Variants in SHISA6 observed in about 807,000 individuals in gnomAD.
SHISA6 encodes shisa family member 6.
A neutral mutation model predicts 47.9 loss-of-function variants in SHISA6; 22 were observed. The ratio of observed to expected loss-of-function variants is 0.46; its 90% CI spans 0.33 to 0.66. The LOEUF (loss-of-function observed/expected upper bound fraction) is 0.66. SHISA6 is among the 30% of genes least tolerant of loss of function. The pLI is 0.02. For synonymous variants in SHISA6, 388 were observed against 337.8 expected, an observed-to-expected ratio of 1.15 and a Z score of -1.63; for missense variants, 680 against 764.6, an observed-to-expected ratio of 0.89 and a Z score of 1.30.
chr17:11,300,149 C>CAAAAAAAAAAAA (rs56060137), intron 2 of SHISA6, among the ~76,000 whole-genome samples: 26 of 128,994 alleles, frequency 2.0e-4, no homozygotes, highest in Non-Finnish European at 2.7e-4. Context: ...CATCTTAAAA[C>CAAAAAAAAAAAA]AAAAAAAAAA....
intron 3 of SHISA6, among the ~76,000 whole-genome samples, chr17:11,448,879 C>A (rs1915308398): frequency 3.3e-5 from 5 of 152,136 alleles, no homozygotes; most frequent in Admixed American, 3.3e-4. Flanking sequence ...TTCCAAACGT[C>A]CCACTTTCTA....
intron 2 of SHISA6, among the ~76,000 whole-genome samples, chr17:11,293,447 ATGAGAGAACAGGCTT>A (rs1193006164): frequency 6.6e-6 from 1 of 152,206 alleles, no homozygotes; most frequent in African/African-American, 2.4e-5. Context: ...ACAGGAAAGA[ATGAGAGAACAGGCTT>A]TGGGAGAACA....
At chr17:11,307,354 G>A (rs1311172764) in intron 2 of SHISA6, among the ~76,000 whole-genome samples, 1 of 152,152 alleles carries the variant, frequency 6.6e-6, no homozygotes, top group Admixed American at 6.5e-5. Context: ...TGGGGAGCTA[G>A]GTTTCTTCCA....
At chr17:11,250,764 G>A (rs181897318) in intron 1 of SHISA6, among the ~76,000 whole-genome samples, 2 of 152,208 alleles carry the variant, frequency 1.3e-5, no homozygotes, top group African/African-American at 2.4e-5. Flanking sequence ...CTCTGCTCAC[G>A]TGTCAGGACA....
chr17:11,439,848 G>A (rs763966238), intron 3 of SHISA6, among the ~76,000 whole-genome samples: 1 of 152,130 alleles, frequency 6.6e-6, no homozygotes, highest in Non-Finnish European at 1.5e-5. Context: ...GAGTTTTACG[G>A]TCTTGATGAC....
intron 3 of SHISA6, among the ~76,000 whole-genome samples, chr17:11,467,143 T>C (rs1915828459): frequency 6.6e-6 from 1 of 152,224 alleles, no homozygotes; most frequent in Non-Finnish European, 1.5e-5. Context: ...TGTCCAGAGT[T>C]AGTTCCTGTG....
rs563418434 is a variant in SHISA6 at position 11,368,246 on chromosome 17, G to A, written c.800-11168G>A. Among the ~76,000 whole-genome samples, 5 of 152,284 alleles carry A rather than the reference G, an allele frequency of 3.3e-5. No homozygotes were observed. In the East Asian group the frequency reaches 7.7e-4, roughly 24 times the overall value. ...AAGACAGGGATCACAGAATCACAGA[G>A]GAACCAGTGCAGGCAGGTGTGAGAT... is the stretch of plus-strand genomic sequence containing the variant. On this transcript the variant is annotated intron_variant, in intron 2 of 5. Coordinates refer to ENST00000441885, the MANE Select transcript of SHISA6 (RefSeq NM_207386.4).
intron 3 of SHISA6, among the ~76,000 whole-genome samples, chr17:11,509,379 G>T (rs942284201): frequency 1.3e-5 from 2 of 152,248 alleles, no homozygotes; most frequent in Admixed American, 6.5e-5. Context: ...TACCATTTAT[G>T]AAGCACTTTC....
At chr17:11,501,556 C>T (rs2071453852) in intron 3 of SHISA6, among the ~76,000 whole-genome samples, 1 of 151,980 alleles carries the variant, frequency 6.6e-6, no homozygotes, top group South Asian at 2.1e-4. Flanking sequence ...TGACTTAATC[C>T]CATTTCTAGG....
At chr17:11,467,401 C>T (rs1285325548) in intron 3 of SHISA6, among the ~76,000 whole-genome samples, 1 of 152,150 alleles carries the variant, frequency 6.6e-6, no homozygotes, top group Non-Finnish European at 1.5e-5. Context: ...CATAGAATGA[C>T]AATGGTCCTT....
At chr17:11,501,685 C>A (rs1407550334) in intron 3 of SHISA6, among the ~76,000 whole-genome samples, 1 of 151,728 alleles carries the variant, frequency 6.6e-6, no homozygotes, top group Non-Finnish European at 1.5e-5. Context: ...TGAGCATGGG[C>A]AACAGAGAAG....
chr17:11,279,087 C>G (rs987511781), intron 2 of SHISA6, among the ~76,000 whole-genome samples: 2 of 152,138 alleles, frequency 1.3e-5, no homozygotes, highest in Non-Finnish European at 2.9e-5. Context: ...TTTGGGGTTG[C>G]TGGCTTCACT....
chr17:11,548,352 A>G (rs781551479), intron 3 of SHISA6, among the ~76,000 whole-genome samples: 1 of 152,218 alleles, frequency 6.6e-6, no homozygotes, highest in Admixed American at 6.5e-5. Context: ...ATGGAAAGTT[A>G]TTCACTTGGT....
chr17:11,431,147 C>T (rs553455917), intron 3 of SHISA6, among the ~76,000 whole-genome samples: 9 of 152,254 alleles, frequency 5.9e-5, no homozygotes, highest in East Asian at 1.9e-4. Flanking sequence ...TTCTCATGTC[C>T]CCCCTGAGTC....
intron 3 of SHISA6, among the ~76,000 whole-genome samples, chr17:11,399,729 C>T (rs1913700941): frequency 6.6e-6 from 1 of 152,246 alleles, no homozygotes; most frequent in South Asian, 2.1e-4. Flanking sequence ...GCCCATTCCC[C>T]ATTTTTTTAG....
chr17:11,517,903 G>T (rs1386820707), intron 3 of SHISA6, among the ~76,000 whole-genome samples: 1 of 152,038 alleles, frequency 6.6e-6, no homozygotes. Context: ...CCACTCATTT[G>T]TAGGGTAGAG....
intron 2 of SHISA6, among the ~76,000 whole-genome samples, chr17:11,264,441 G>A (rs565244678): frequency 3.9e-5 from 6 of 152,288 alleles, no homozygotes; most frequent in African/African-American, 7.2e-5. Flanking sequence ...CTAGGAAACC[G>A]TAATATCCTT....
intron 3 of SHISA6, among the ~76,000 whole-genome samples, chr17:11,452,461 A>T (rs1446959911): frequency 6.6e-6 from 1 of 152,196 alleles, no homozygotes; most frequent in African/African-American, 2.4e-5. Context: ...TCATCAGCAG[A>T]TAAAAGGAAT....
At chr17:11,501,168 A>G (rs1375403188) in intron 3 of SHISA6, among the ~76,000 whole-genome samples, 1 of 150,898 alleles carries the variant, frequency 6.6e-6, no homozygotes, top group African/African-American at 2.4e-5. Flanking sequence ...GCTGGAGTGC[A>G]ATGGCACAAT....
Sources: gnomAD v4.1 joint callset for allele counts (sites outside exome capture counted in the v4.1 genomes callset) on GRCh38, gnomAD v4.1.1 for gene constraint, MANE v1.5 for transcripts, NCBI Gene and HGNC (gene_info 2026-07-23, HGNC 2026-07-21) for gene names.